ROBO3: variants seen among roughly 807,000 people sequenced by gnomAD.
The protein encoded by ROBO3 is roundabout guidance receptor 3.
A neutral mutation model predicts 160.5 loss-of-function variants in ROBO3; 97 were observed. The ratio of observed to expected loss-of-function variants is 0.60; its 90% CI spans 0.51 to 0.72. The LOEUF (loss-of-function observed/expected upper bound fraction) is 0.72, where lower values mean the gene tolerates loss of function less well. Among genes scored for constraint, ROBO3 ranks in the 30% least tolerant of loss-of-function variants. The probability of loss-of-function intolerance (pLI) is 0.00; values close to 1 mark genes in which losing one functional copy is unlikely to be tolerated. For missense variants in ROBO3, 1,858 were observed against 1,846.5 expected (o/e 1.01, Z -0.11); for synonymous variants, 780 against 746.2 (o/e 1.05, Z -0.74).
chr11:124,878,568 G>C lies in ROBO3; in HGVS notation c.3321-16G>C. The C allele has an allele frequency of 6.2e-7, 1 of 1,608,220 alleles. No homozygotes were observed. The highest frequency in any genetic ancestry group is 8.5e-7 in the Non-Finnish European group (1 of 1,177,332). On this transcript the variant is annotated splice_polypyrimidine_tract_variant and intron_variant, in intron 22 of 27. Coordinates refer to ENST00000397801, the MANE Select transcript of ROBO3 (RefSeq NM_022370.4). The surrounding 1 kb of genome is among the most constrained non-coding windows in gnomAD (Gnocchi z 4.3). ...CAGCTGAGCCCTTTCCTTCTCTCCT[G>C]CCTCTTTGATCCCAGCTCAGAGCCA...
In ROBO3 at chr11:124,875,248, G is replaced by C. The variant is rs747914115; in HGVS notation, c.2211G>C (p.Gly737=). 7 of 1,613,804 alleles carry C rather than the reference G, an allele frequency of 4.3e-6. No homozygotes were observed. The African/African-American group carries it at 6.7e-5, about 15-fold the overall frequency. Residue 737 remains glycine (G), a synonymous_variant, in exon 14 of 28, where the codon GGG becomes GGC. Coordinates refer to ENST00000397801, the MANE Select transcript of ROBO3 (RefSeq NM_022370.4). ...QSTVLRGLPP[G]TQIQIKVQAQ... ...CTGTGCTAAGAGGACTCCCTCCAGG[G>C]ACCCAAATCCAGATCAAGGTGCAAG... is the stretch of plus-strand genomic sequence containing the variant.
chr11:124,880,752 T>G, intron 27 of ROBO3, 144 bp downstream of exon 27: 381 of 1,039,424 alleles, frequency 3.7e-4, no homozygotes, highest in Non-Finnish European at 4.6e-4. Context: ...GAGGGAGGAA[T>G]CCTGTAGAAG....
rs1266665180 is a variant in ROBO3 at position 124,872,751 on chromosome 11, C to T, written c.1331-133C>T. 1 of 950,624 alleles carries T rather than the reference C, an allele frequency of 1.1e-6. No homozygotes were observed. The highest frequency in any genetic ancestry group is 2.6e-5 in the East Asian group (1 of 37,792). 58.9% of individuals were successfully genotyped at this position (950,624 alleles called of 1,614,324 possible). Reference sequence around the variant, plus strand: ...CTGGGCAGAGACTTCAGATGATTATCAAAGCCCCCTCTGATCACCGGAAGT... The same window carrying T: ...CTGGGCAGAGACTTCAGATGATTATTAAAGCCCCCTCTGATCACCGGAAGT... On this transcript the variant is annotated intron_variant, in intron 8 of 27. Coordinates refer to ENST00000397801, the MANE Select transcript of ROBO3 (RefSeq NM_022370.4). This position sits in a 1 kb window ranked among gnomAD's most constrained non-coding sequence, Gnocchi z 4.3.
Position 124,869,360 on chromosome 11 carries a change from A to ACCCCTTC in ROBO3, c.488-87_488-81dup. The ACCCCTTC allele has an allele frequency of 1.6e-6, 2 of 1,275,394 alleles. No homozygotes were observed. Among genetic ancestry groups the ACCCCTTC allele is most frequent in the Non-Finnish European group, 2.2e-6 (2 of 898,598 alleles). 79.0% of individuals were successfully genotyped at this position (1,275,394 alleles called of 1,614,324 possible). ...AACGAATTCCAGTCTGCAGCGATCA[A>ACCCCTTC]CCCCTTCCCAAGACAACACTTTCCC... On this transcript the variant is annotated intron_variant, in intron 2 of 27. Coordinates refer to ENST00000397801, the MANE Select transcript of ROBO3 (RefSeq NM_022370.4). The surrounding 1 kb of genome is among the most constrained non-coding windows in gnomAD (Gnocchi z 4.2).
intron 1 of ROBO3, chr11:124,868,592 T>C (rs1425706426): frequency 1.5e-6 from 1 of 679,100 alleles, no homozygotes; most frequent in Non-Finnish European, 2.7e-6. Context: ...GGCCTGTCTG[T>C]AGGCATCTTC....
chr11:124,875,239 C>G lies in ROBO3; in HGVS notation c.2202C>G (p.Leu734=). ...AGCAAAGTACTGTGCTAAGAGGACT[C>G]CCTCCAGGGACCCAAATCCAGATCA... ...PSQQSTVLRG[L]PPGTQIQIKV... is the part of the protein sequence containing the mutation. The change falls in exon 14 of 28, where the codon CTC becomes CTG. Residue 734 remains leucine (L), a synonymous_variant. Transcript: ENST00000397801. 1 of 1,613,728 alleles carries G rather than the reference C, an allele frequency of 6.2e-7. No homozygotes were observed. Among genetic ancestry groups the G allele is most frequent in the Non-Finnish European group, 8.5e-7 (1 of 1,179,824 alleles).
intron 23 of ROBO3, 58 bp from the exon 24 acceptor site, chr11:124,879,132 A>G: frequency 6.6e-7 from 1 of 1,522,164 alleles, no homozygotes; most frequent in Non-Finnish European, 8.9e-7. Flanking sequence ...TGCCAGGCAC[A>G]TAGTAGGCAT....
rs1946383805 is a variant in ROBO3 at position 124,876,572 on chromosome 11, G to A, written c.2779+112G>A. 8 of 914,962 alleles carry A rather than the reference G, an allele frequency of 8.7e-6. No individual in the cohort carries two copies. In the South Asian group the frequency reaches 1.5e-4, roughly 17 times the overall value. 56.7% of individuals were successfully genotyped at this position (914,962 alleles called of 1,614,324 possible). A position where few individuals can be genotyped will look rare whatever the true frequency, so the allele number is the denominator to read the frequency against. ...AGGACCGGGTCGGGAGAAAGGGGTC[G>A]CACCTGGAGTTCAGCCTCTTGGGTA... On this transcript the variant is annotated intron_variant, in intron 17 of 27. Transcript: ENST00000397801. The surrounding 1 kb of genome is among the most constrained non-coding windows in gnomAD (Gnocchi z 5.3).
At chr11:124,875,536 C>T in intron 14 of ROBO3, 28 bp from the exon 15 acceptor site, 1 of 1,610,070 alleles carries the variant, frequency 6.2e-7, no homozygotes, top group African/African-American at 1.3e-5. Context: ...TATTTGTGTC[C>T]TTCTCACCAT....
In ROBO3 at chr11:124,868,999, A is replaced by G; in HGVS notation, c.358A>G (p.Ser120Gly). Reference protein sequence around the residue: ...DPRAHRLLLPSGALFFPRIVH... With the variant: ...DPRAHRLLLPGGALFFPRIVH... ...GCGTGCGCACCGCCTGCTGCTGCCCAGCGGCGCCCTCTTCTTCCCGCGCAT... is the reference window on the plus strand; with the variant it reads ...GCGTGCGCACCGCCTGCTGCTGCCCGGCGGCGCCCTCTTCTTCCCGCGCAT... The change falls in exon 2 of 28, where the codon AGC (serine) becomes GGC (glycine). Residue 120 changes from serine (S) to glycine (G), a missense_variant. By Grantham distance (56) the Ser-to-Gly change is moderately conservative. Transcript: ENST00000397801. The G allele has an allele frequency of 1.9e-6, 3 of 1,600,316 alleles. No individual in the cohort carries two copies. The highest frequency in any genetic ancestry group is 2.6e-6 in the Non-Finnish European group (3 of 1,174,356).
intron 6 of ROBO3, 125 bp from the exon 7 acceptor site, chr11:124,870,889 G>C: frequency 1.3e-6 from 2 of 1,520,228 alleles, no homozygotes; most frequent in East Asian, 4.5e-5. Flanking sequence ...AACAGGCCGG[G>C]AGGAAGAGAT....
chr11:124,868,373 G>T, intron 1 of ROBO3: 1 of 389,388 alleles, frequency 2.6e-6, no homozygotes, highest in South Asian at 3.9e-5. Context: ...TGGCTCCAGT[G>T]CACGGTTTAT....
chr11:124,869,704 C>T lies in ROBO3; in HGVS notation c.645+97C>T. On this transcript the variant is annotated intron_variant, in intron 3 of 27. Coordinates refer to ENST00000397801, the MANE Select transcript of ROBO3 (RefSeq NM_022370.4). This position sits in a 1 kb window ranked among gnomAD's most constrained non-coding sequence, Gnocchi z 4.2. ...GATTGAGATCAGGGCATTAGCTAAC[C>T]AGAGACTAAGAGTCAGCTATACAGT... 2.9e-6 allele frequency: 4 copies of T among 1,376,590 alleles called. No homozygotes were observed. Among genetic ancestry groups the T allele is most frequent in the Non-Finnish European group, 3.9e-6 (4 of 1,019,516 alleles). The allele number at this position is 1,376,590 out of a possible 1,614,324, so 85.3% of individuals were successfully genotyped here.
Position 124,871,194 on chromosome 11 carries a change from C to T in ROBO3, c.1158+56C>T, listed in dbSNP as rs542506636. 243 of 1,551,826 alleles carry T rather than the reference C, an allele frequency of 1.6e-4. No individual in the cohort carries two copies. The Middle Eastern group carries it at 1.7e-3, about 11-fold the overall frequency. On this transcript the variant is annotated intron_variant, in intron 7 of 27. Transcript: ENST00000397801. ...CAGCCTTCCTCTGCGGCTCAGCCTC[C>T]CTCCCTCTACATTCTGCAAACTTCT...
chr11:124,875,085 G>T (rs1370671177), intron 13 of ROBO3, 26 bp from the exon 14 acceptor site: 1 of 1,568,378 alleles, frequency 6.4e-7, no homozygotes, highest in Non-Finnish European at 8.7e-7. Flanking sequence ...CTCCCCTTCT[G>T]GTGTGCCTTG....
chr11:124,866,039 C>G (rs558212760), intron 1 of ROBO3, among the ~76,000 whole-genome samples: 1 of 152,312 alleles, frequency 6.6e-6, no homozygotes, highest in Non-Finnish European at 1.5e-5. Context: ...GCAGGGAAGT[C>G]CGAGCTAAGA....
At position 124,874,241 on chromosome 11, in the gene ROBO3, G is replaced by A. The variant is rs1308669472; in HGVS notation, c.1951+5G>A. ...CTGAGCCTGTCCGTACACAGGGTAA[G>A]GTCAGAGTCCCTGGGCTCATGAGCA... is the stretch of plus-strand genomic sequence containing the variant. On this transcript the variant is annotated splice_donor_5th_base_variant and intron_variant, in intron 12 of 27. Transcript: ENST00000397801. The A allele has an allele frequency of 1.2e-6, 2 of 1,608,186 alleles. No homozygotes were observed. Among genetic ancestry groups the A allele is most frequent in the Non-Finnish European group, 1.7e-6 (2 of 1,175,926 alleles).
chr11:124,869,227 G>A lies in ROBO3; in HGVS notation c.487+99G>A. The A allele has an allele frequency of 7.6e-7, 1 of 1,308,214 alleles. No individual in the cohort carries two copies. The highest frequency in any genetic ancestry group is 1.1e-6 in the Non-Finnish European group (1 of 943,382). The allele number at this position is 1,308,214 out of a possible 1,614,324, so 81.0% of individuals were successfully genotyped here. On this transcript the variant is annotated intron_variant, in intron 2 of 27. Transcript: ENST00000397801. This position sits in a 1 kb window ranked among gnomAD's most constrained non-coding sequence, Gnocchi z 4.2. ...CCAGAACCAGCCCCAAAGGACTTCA[G>A]CCCACTCAGCATCCTTCTTTGGGAC...
chr11:124,876,297 CGGGCTGGAGGTGGGCGCG>C lies in ROBO3; in HGVS notation c.2624_2641del (p.Glu875_Leu880del), dbSNP rs1283220332. ...CAGCGTCCCCGCCGGACCTGGAGCC[CGGGCTGGAGGTGGGCGCG>C]GGGCTGGCGGTGCGGCTGGCGAGGG... On this transcript the variant is annotated inframe_deletion, in exon 17 of 28. Transcript: ENST00000397801. This position sits in a 1 kb window ranked among gnomAD's most constrained non-coding sequence, Gnocchi z 5.3. 1.4e-6 allele frequency: 2 copies of C among 1,459,670 alleles called. No homozygotes were observed. Among genetic ancestry groups the C allele is most frequent in the Non-Finnish European group, 1.8e-6 (2 of 1,118,498 alleles). 90.4% of individuals were successfully genotyped at this position (1,459,670 alleles called of 1,614,324 possible).
Sources: allele counts gnomAD v4.1 joint callset (sites outside exome capture counted in the v4.1 genomes callset), GRCh38; gene constraint gnomAD v4.1.1; non-coding constraint Gnocchi (gnomAD v3.1); transcripts MANE v1.5; gene names NCBI Gene and HGNC (gene_info 2026-07-23, HGNC 2026-07-21).